Variants in ARID1B observed in about 807,000 individuals in gnomAD.
ARID1B encodes the protein AT-rich interaction domain 1B, also known as AT-rich interactive domain-containing protein 1B.
ARID1B carries 30 observed loss-of-function variants against 212.3 expected under a neutral mutation model. That is an observed-to-expected ratio of 0.14 (90% CI 0.11 to 0.19). ARID1B has a LOEUF of 0.19. ARID1B is among the 10% of genes least tolerant of loss of function. ARID1B has a pLI of 1.00. For missense variants in ARID1B, 2,891 were observed against 3,204.0 expected, an observed-to-expected ratio of 0.90 and a Z score of 2.36; for synonymous variants, 1,402 against 1,301.7, an observed-to-expected ratio of 1.08 and a Z score of -1.66.
At chr6:156,899,930 G>C (rs1788784265) in intron 2 of ARID1B, among the ~76,000 whole-genome samples, 1 of 152,198 alleles carries the variant, frequency 6.6e-6, no homozygotes, top group African/African-American at 2.4e-5. Context: ...GTGAAATATA[G>C]TATTAGATAT....
At chr6:156,845,119 G>C (rs1253706436) in intron 2 of ARID1B, among the ~76,000 whole-genome samples, 1 of 152,248 alleles carries the variant, frequency 6.6e-6, no homozygotes, top group Admixed American at 6.5e-5. Context: ...CATTCAGGTG[G>C]CTTAAGTTCT....
intron 1 of ARID1B, among the ~76,000 whole-genome samples, chr6:156,821,043 AT>A (rs1467793585): frequency 1.3e-5 from 2 of 152,190 alleles, no homozygotes; most frequent in African/African-American, 4.8e-5. Flanking sequence ...TAGTATGCTG[AT>A]TTCATTGATG....
chr6:156,916,154 C>T (rs1300481526), intron 3 of ARID1B, among the ~76,000 whole-genome samples: 2 of 152,060 alleles, frequency 1.3e-5, no homozygotes, highest in East Asian at 3.9e-4. Flanking sequence ...CGTGGAAATT[C>T]GATTGTATCA....
At position 157,207,513 on chromosome 6, in the gene ARID1B, C is replaced by T. The variant is rs1794558684; in HGVS notation, c.6741C>T (p.Asn2247=). 1.9e-6 allele frequency: 3 copies of T among 1,614,124 alleles called. No individual in the cohort carries two copies. The highest frequency in any genetic ancestry group is 2.5e-6 in the Non-Finnish European group (3 of 1,180,030). ...TLVRYVGDRK[N]PVCREMSMAL... ...TTAGGTACGTTGGGGATCGCAAAAA[C>T]CCAGTCTGTCGAGAAATGTCCATGG... Residue 2247 remains asparagine, a synonymous_variant, in exon 20 of 20, where the codon AAC becomes AAT. Coordinates refer to ENST00000636930, the MANE Select transcript of ARID1B (RefSeq NM_001374828.1). The surrounding 1 kb of genome is among the most constrained non-coding windows in gnomAD (Gnocchi z 8.5).
chr6:156,897,891 G>A (rs1006764643), intron 2 of ARID1B, among the ~76,000 whole-genome samples: 4 of 152,090 alleles, frequency 2.6e-5, no homozygotes, highest in Admixed American at 6.5e-5. Context: ...TATAATAATA[G>A]CTTGCTTAAT....
intron 4 of ARID1B, among the ~76,000 whole-genome samples, chr6:156,982,856 C>G (rs1048268010): frequency 1.3e-5 from 2 of 151,976 alleles, no homozygotes; most frequent in African/African-American, 4.8e-5. Context: ...TCTGAATTAC[C>G]CTTTTTACTT....
At chr6:156,992,328 G>A (rs942889928) in intron 4 of ARID1B, among the ~76,000 whole-genome samples, 1 of 152,116 alleles carries the variant, frequency 6.6e-6, no homozygotes, top group African/African-American at 2.4e-5. Flanking sequence ...AGTTTCTGAG[G>A]TTCATGGGGA....
intron 4 of ARID1B, among the ~76,000 whole-genome samples, chr6:156,980,473 ACCT>A (rs1777538216): frequency 3.5e-5 from 5 of 143,642 alleles, no homozygotes; most frequent in Non-Finnish European, 7.7e-5. Context: ...ACAAGAGCCA[ACCT>A]ACATCTCAAA....
At chr6:156,837,088 TTTC>T (rs2128071568) in intron 2 of ARID1B, among the ~76,000 whole-genome samples, 1 of 152,364 alleles carries the variant, frequency 6.6e-6, no homozygotes, top group South Asian at 2.1e-4. Context: ...GAGGTGTTTC[TTTC>T]TTCTTCAAAG....
At position 156,816,389 on chromosome 6, in the gene ARID1B, TG is replaced by T. The variant is rs1002685723; in HGVS notation, c.1792-12837del. On this transcript the variant is annotated intron_variant, in intron 1 of 19. Coordinates refer to ENST00000636930, the MANE Select transcript of ARID1B (RefSeq NM_001374828.1). Reference sequence around the variant, plus strand: ...AGATGCACTTGGGTTTCTTTAATTTTGTTTTTTTATTAAAGAAATAATAGCA... The same window carrying T: ...AGATGCACTTGGGTTTCTTTAATTTTTTTTTTTATTAAAGAAATAATAGCA... Among the ~76,000 whole-genome samples the T allele has an allele frequency of 2.9e-4, 44 of 152,228 alleles. 1 individual carries two copies. The highest frequency in any genetic ancestry group is 8.4e-4 in the African/African-American group (35 of 41,440).
chr6:157,152,766 C>T (rs920883874), intron 8 of ARID1B, among the ~76,000 whole-genome samples: 19 of 152,142 alleles, frequency 1.2e-4, no homozygotes, highest in African/African-American at 4.3e-4. Context: ...ATTTTTGTTC[C>T]CCCATTGATG....
intron 2 of ARID1B, among the ~76,000 whole-genome samples, chr6:156,884,430 G>GGCAGGTCTTCTCTATTTCAT: frequency 6.6e-6 from 1 of 152,178 alleles, no homozygotes; most frequent in East Asian, 1.9e-4. Flanking sequence ...CCAGTTGCAC[G>GGCAGGTCTTCTCTATTTCAT]GCAGGTCTTC....
chr6:157,160,459 A>ACT (rs1790855040), intron 8 of ARID1B, among the ~76,000 whole-genome samples: 1 of 151,612 alleles, frequency 6.6e-6, no homozygotes, highest in Non-Finnish European at 1.5e-5. Flanking sequence ...ATATTGCTCA[A>ACT]CTCTCTCTTG....
chr6:157,030,255 T>G (rs1197981461), intron 4 of ARID1B: 3 of 152,328 alleles, frequency 2.0e-5, no homozygotes, highest in Admixed American at 6.5e-5. Flanking sequence ...CAAGCTAGTC[T>G]GGGCTTGTTC....
At chr6:157,161,960 A>G (rs1790974608) in intron 8 of ARID1B, among the ~76,000 whole-genome samples, 1 of 152,222 alleles carries the variant, frequency 6.6e-6, no homozygotes. Context: ...AACATAACTC[A>G]AGGGTGGTAT....
intron 4 of ARID1B, among the ~76,000 whole-genome samples, chr6:157,078,696 AT>A (rs941204036): frequency 3.7e-4 from 56 of 152,310 alleles, no homozygotes; most frequent in African/African-American, 1.3e-3. Flanking sequence ...AACAGCTTTT[AT>A]TTTAGATGCT....
In ARID1B at chr6:157,201,032, G is replaced by A. The variant is rs1461829455; in HGVS notation, c.4807G>A (p.Gly1603Ser). ...DMPYPYQNRQ[G>S]PGGPTQAPPY... is the part of the protein sequence containing the mutation. ...GCCTTATCCCTACCAGAACAGGCAG[G>A]GCCCTGGCGGCCCTACACAGGCGCC... is the stretch of plus-strand genomic sequence containing the variant. The change falls in exon 18 of 20, where the codon GGC becomes AGC. Residue 1603 changes from glycine to serine, a missense_variant. Gly to Ser is a moderately conservative substitution (Grantham distance 56). Transcript: ENST00000636930. The surrounding 1 kb of genome is among the most constrained non-coding windows in gnomAD (Gnocchi z 5.2). The A allele has an allele frequency of 6.2e-7, 1 of 1,613,848 alleles. No homozygotes were observed. Among genetic ancestry groups the A allele is most frequent in the East Asian group, 2.2e-5 (1 of 44,866 alleles).
chr6:157,128,184 A>G (rs950353992), intron 6 of ARID1B, among the ~76,000 whole-genome samples: 4 of 152,210 alleles, frequency 2.6e-5, no homozygotes, highest in African/African-American at 9.6e-5. Flanking sequence ...TTTTTTATCA[A>G]TTTGTTTAGG....
chr6:156,905,281 C>G (rs989175564), intron 3 of ARID1B, among the ~76,000 whole-genome samples: 1 of 151,608 alleles, frequency 6.6e-6, no homozygotes, highest in African/African-American at 2.4e-5. Context: ...CACACACACA[C>G]AGATTTATTA....
Sources: allele counts gnomAD v4.1 joint callset (sites outside exome capture counted in the v4.1 genomes callset), GRCh38; gene constraint gnomAD v4.1.1; non-coding constraint Gnocchi (gnomAD v3.1); transcripts MANE v1.5; gene names NCBI Gene and HGNC (gene_info 2026-07-23, HGNC 2026-07-21).